Variants in NFIA observed in about 807,000 individuals in gnomAD.
NFIA encodes nuclear factor I A.
A neutral mutation model predicts 62.8 loss-of-function variants in NFIA; 8 were observed. That is an observed-to-expected ratio of 0.13 (90% CI 0.07 to 0.23). The LOEUF is 0.23. Among genes scored for constraint, NFIA ranks in the 10% least tolerant of loss-of-function variants. The probability of loss-of-function intolerance (pLI) is 1.00; values close to 1 mark genes in which losing one functional copy is unlikely to be tolerated. For synonymous variants in NFIA, 235 were observed against 238.1 expected, an observed-to-expected ratio of 0.99 and a Z score of 0.12; for missense variants, 410 against 642.1, an observed-to-expected ratio of 0.64 and a Z score of 3.91.
upstream of NFIA, among the ~76,000 whole-genome samples, chr1:61,078,503 TA>T (rs1296642820): frequency 6.6e-6 from 1 of 152,228 alleles, no homozygotes; most frequent in East Asian, 1.9e-4. Flanking sequence ...GGAAGTAATA[TA>T]TTGCGTATTC....
chr1:61,096,547 C>CTTT (rs369305204), intron 2 of NFIA, among the ~76,000 whole-genome samples: 93 of 80,566 alleles, frequency 1.2e-3, no homozygotes, highest in Non-Finnish European at 1.6e-3. Flanking sequence ...AAGATTAGTT[C>CTTT]TTTTTTTTTT....
intron 2 of NFIA, among the ~76,000 whole-genome samples, chr1:61,137,097 A>C (rs993074385): frequency 1.3e-5 from 2 of 152,206 alleles, no homozygotes; most frequent in Admixed American, 6.5e-5. Flanking sequence ...TTATGGATCA[A>C]GATAAGTTTA....
intron 2 of NFIA, among the ~76,000 whole-genome samples, chr1:61,184,551 G>T (rs771812619): frequency 6.6e-6 from 1 of 152,248 alleles, no homozygotes; most frequent in African/African-American, 2.4e-5. Flanking sequence ...TTGGCCAGAG[G>T]CCAAGGGTAC....
chr1:61,276,060 C>T (rs1570495366), intron 2 of NFIA, among the ~76,000 whole-genome samples: 1 of 151,814 alleles, frequency 6.6e-6, no homozygotes, highest in South Asian at 2.1e-4. Flanking sequence ...TGTTACAGAA[C>T]GATAAAAGCT....
rs967487900 is a variant in NFIA, at chr1:61,462,445, A to G, written c.*7125A>G. On this transcript the variant is annotated 3_prime_UTR_variant, in exon 11 of 11. Coordinates refer to ENST00000403491, the MANE Select transcript of NFIA (RefSeq NM_001134673.4). The stretch of plus-strand genomic sequence containing the variant: ...ATGGAACACTTCCAGTGATGGTAAG[A>G]GATCTGTTATGAAACGAAACACCCC... 6.6e-6 allele frequency: 1 copy of G among 152,198 alleles called. No individual in the cohort carries two copies. Among genetic ancestry groups the G allele is most frequent in the Admixed American group, 6.5e-5 (1 of 15,274 alleles). 9.4% of individuals were successfully genotyped at this position (152,198 alleles called of 1,614,324 possible).
intron 3 of NFIA, among the ~76,000 whole-genome samples, chr1:61,296,019 C>G (rs1245484001): frequency 6.6e-6 from 1 of 152,222 alleles, no homozygotes; most frequent in East Asian, 1.9e-4. Flanking sequence ...CACCAGTGCA[C>G]CCCCATGACT....
chr1:61,331,998 G>A (rs567164988), intron 3 of NFIA, among the ~76,000 whole-genome samples: 1 of 152,080 alleles, frequency 6.6e-6, no homozygotes, highest in Admixed American at 6.5e-5. Flanking sequence ...TGTGAGTTGG[G>A]GCTTGCTTTT....
At chr1:61,384,673 C>T (rs1157956980) in intron 7 of NFIA, among the ~76,000 whole-genome samples, 1 of 152,112 alleles carries the variant, frequency 6.6e-6, no homozygotes, top group East Asian at 1.9e-4. Flanking sequence ...AGATATGAAG[C>T]CCTTTTAGTC....
At chr1:61,289,527 C>T (rs1024956657) in intron 3 of NFIA, among the ~76,000 whole-genome samples, 2 of 152,140 alleles carry the variant, frequency 1.3e-5, no homozygotes, top group African/African-American at 4.8e-5. Context: ...TTAACCATGG[C>T]ATTCTATTAG....
At chr1:61,431,191 T>C (rs1039211995) in intron 10 of NFIA, among the ~76,000 whole-genome samples, 10 of 152,040 alleles carry the variant, frequency 6.6e-5, no homozygotes, top group African/African-American at 2.4e-4. Context: ...CTTAATCTGA[T>C]CCCTGAAAAT....
At chr1:61,146,859 GT>G (rs1648046519) in intron 2 of NFIA, among the ~76,000 whole-genome samples, 1 of 151,962 alleles carries the variant, frequency 6.6e-6, no homozygotes, top group African/African-American at 2.4e-5. Context: ...TTTTATGTGT[GT>G]TTAACTTAAT....
intron 2 of NFIA, among the ~76,000 whole-genome samples, chr1:61,184,142 A>C (rs199556188): frequency 0.085 from 11,772 of 138,456 alleles, 395 homozygotes; most frequent in African/African-American, 0.17. Flanking sequence ...AAAAAAAAAA[A>C]CCCAAAAAAA....
At chr1:61,289,980 A>G (rs1028819080) in intron 3 of NFIA, among the ~76,000 whole-genome samples, 1 of 151,364 alleles carries the variant, frequency 6.6e-6, no homozygotes, top group African/African-American at 2.4e-5. Flanking sequence ...ATAGACATGA[A>G]CTAGGTGCCA....
intron 10 of NFIA, among the ~76,000 whole-genome samples, chr1:61,433,989 A>C (rs901890012): frequency 3.3e-5 from 5 of 152,204 alleles, no homozygotes; most frequent in African/African-American, 1.2e-4. Context: ...TACCCACTGC[A>C]AAATCCTAAC....
chr1:61,228,606 T>G (rs1184189267), intron 2 of NFIA, among the ~76,000 whole-genome samples: 1 of 152,230 alleles, frequency 6.6e-6, no homozygotes, highest in African/African-American at 2.4e-5. Context: ...TTTCTAAAAT[T>G]TTAAAATTTC....
rs1176399144 is a variant in NFIA at position 61,334,533 on chromosome 1, A to ATGTGTGTGTGTG, written c.700+1948_700+1949insGTGTGTGTGTGT. Among the ~76,000 whole-genome samples the ATGTGTGTGTGTG allele has an allele frequency of 8.9e-3, 79 of 8,900 alleles. 2 individuals are homozygous for ATGTGTGTGTGTG. The highest frequency in any genetic ancestry group is 0.033 in the South Asian group (5 of 150). The allele number at this position is 8,900 out of a possible 152,430, so 5.8% of individuals were successfully genotyped here. ...ATGGGGAGTATTTGTGTGTGTGTAT[A>ATGTGTGTGTGTG]TATGTGTGTGTGTGTGTGTGTGTAT... On this transcript the variant is annotated intron_variant, in intron 4 of 10. Coordinates refer to ENST00000403491, the MANE Select transcript of NFIA (RefSeq NM_001134673.4).
intron 2 of NFIA, among the ~76,000 whole-genome samples, chr1:61,216,575 ATTG>A: frequency 6.6e-6 from 1 of 152,226 alleles, no homozygotes; most frequent in Admixed American, 6.5e-5. Flanking sequence ...AACATGATTG[ATTG>A]CTCAGGTAAA....
intron 2 of NFIA, among the ~76,000 whole-genome samples, chr1:61,254,440 A>C (rs1327628783): frequency 6.6e-6 from 1 of 152,228 alleles, no homozygotes; most frequent in Non-Finnish European, 1.5e-5. Flanking sequence ...ACAACTCTAG[A>C]AGCATGTGTT....
At chr1:61,358,818 A>G (rs1464026054) in intron 5 of NFIA, among the ~76,000 whole-genome samples, 1 of 126,790 alleles carries the variant, frequency 7.9e-6, no homozygotes, top group Non-Finnish European at 1.7e-5. Flanking sequence ...GAGATAGGAA[A>G]TATGTGGCCT....
Sources: gnomAD v4.1 joint callset for allele counts (sites outside exome capture counted in the v4.1 genomes callset) on GRCh38, gnomAD v4.1.1 for gene constraint, MANE v1.5 for transcripts, NCBI Gene and HGNC (gene_info 2026-07-23, HGNC 2026-07-21) for gene names.